Variants in CELF2 observed in about 807,000 individuals in gnomAD.
The protein encoded by CELF2 is CUGBP Elav-like family member 2.
CELF2 carries 8 observed loss-of-function variants against 62.6 expected under a neutral mutation model. That is an observed-to-expected ratio of 0.13 (90% confidence interval 0.07 to 0.23). The LOEUF is 0.23. CELF2 is among the 10% of genes least tolerant of loss of function. The pLI is 1.00. For synonymous variants in CELF2, 258 were observed against 250.0 expected, an observed-to-expected ratio of 1.03 and a Z score of -0.30; for missense variants, 333 against 671.0, an observed-to-expected ratio of 0.50 and a Z score of 5.56.
At chr10:10,798,937 G>GGATGC (rs2054352455) in intron 1 of CELF2, 1 of 397,602 alleles carries the variant, frequency 2.5e-6, no homozygotes, top group Admixed American at 4.4e-5. Flanking sequence ...TGGGGTTCAG[G>GGATGC]GATGCGCAGA....
In CELF2 at chr10:11,177,492, A is replaced by G. The variant is rs985264779; in HGVS notation, c.271+11810A>G. Reference sequence around the variant, plus strand: ...AACCAAAATGTTGGCATGAATTAAGAAAAATCAGTGAAGAAATGTTGCTTA... The same window carrying G: ...AACCAAAATGTTGGCATGAATTAAGGAAAATCAGTGAAGAAATGTTGCTTA... On this transcript the variant is annotated intron_variant, in intron 2 of 12. Coordinates refer to ENST00000633077, the MANE Select transcript of CELF2 (RefSeq NM_001326342.2). This position sits in a 1 kb window ranked among gnomAD's most constrained non-coding sequence, Gnocchi z 4.8. 3.9e-5 allele frequency among the ~76,000 whole-genome samples: 6 copies of G among 152,104 alleles called. No individual in the cohort carries two copies. Among genetic ancestry groups the G allele is most frequent in the African/African-American group, 1.4e-4 (6 of 41,410 alleles).
intron 1 of CELF2, among the ~76,000 whole-genome samples, chr10:11,091,057 G>A (rs180710223): frequency 1.2e-4 from 18 of 152,200 alleles, no homozygotes; most frequent in African/African-American, 4.3e-4. Flanking sequence ...TCAATTATGA[G>A]TTACCTTCTG....
intron 9 of CELF2, among the ~76,000 whole-genome samples, chr10:11,307,554 C>G (rs1438557807): frequency 6.6e-6 from 1 of 152,206 alleles, no homozygotes; most frequent in African/African-American, 2.4e-5. Context: ...GTGCCAAATA[C>G]AGTGCCAAAT....
Position 10,936,911 on chromosome 10 carries a change from A to G in CELF2, c.89+16912A>G, listed in dbSNP as rs1022176420. On this transcript the variant is annotated intron_variant, in intron 2 of 13. Transcript: ENST00000636488. The surrounding 1 kb of genome is among the most constrained non-coding windows in gnomAD (Gnocchi z 4.0). ...ACAAGCTCCCACGGGGTTTCTGATG[A>G]TTCTGGTCCTCAGACCATCCTTTGA... 5.9e-5 allele frequency among the ~76,000 whole-genome samples: 9 copies of G among 152,072 alleles called. No homozygotes were observed. In the South Asian group the frequency reaches 1.9e-3, roughly 32 times the overall value.
At chr10:11,201,367 G>C (rs942181080) in intron 2 of CELF2, among the ~76,000 whole-genome samples, 1 of 152,188 alleles carries the variant, frequency 6.6e-6, no homozygotes, top group African/African-American at 2.4e-5. Context: ...GTGATGCAGG[G>C]ATCCAGGCTT....
intron 1 of CELF2, among the ~76,000 whole-genome samples, chr10:11,048,920 T>C (rs2063352831): frequency 6.6e-6 from 1 of 152,218 alleles, no homozygotes; most frequent in Non-Finnish European, 1.5e-5. Context: ...ATTGGAATTG[T>C]CAGGGAAACA....
At chr10:10,544,202 A>T in the CELF2 span, among the ~76,000 whole-genome samples, 1 of 152,238 alleles carries the variant, frequency 6.6e-6, no homozygotes, top group South Asian at 2.1e-4. Context: ...CCAGGTGGGC[A>T]CAAACAGAGA....
intron 2 of CELF2, among the ~76,000 whole-genome samples, chr10:10,943,396 G>A (rs936514553): frequency 1.3e-5 from 2 of 152,186 alleles, no homozygotes; most frequent in African/African-American, 4.8e-5. Context: ...GTGGACCCAA[G>A]AGCTACAGAC....
the CELF2 span, among the ~76,000 whole-genome samples, chr10:10,610,977 C>T: frequency 1.3e-5 from 2 of 152,152 alleles, no homozygotes; most frequent in African/African-American, 2.4e-5. Context: ...ACACTACTTT[C>T]TGTCTTTTAG....
the CELF2 span, among the ~76,000 whole-genome samples, chr10:10,776,043 T>A: frequency 6.6e-6 from 1 of 152,252 alleles, no homozygotes; most frequent in African/African-American, 2.4e-5. Flanking sequence ...AACAGAGGCA[T>A]CATTAATAGA....
chr10:10,713,757 G>C, the CELF2 span, among the ~76,000 whole-genome samples: 1 of 152,162 alleles, frequency 6.6e-6, no homozygotes, highest in Non-Finnish European at 1.5e-5. Context: ...GGGATAGGCC[G>C]GGCACGGTGG....
chr10:11,319,883 G>A lies in CELF2; in HGVS notation c.1097-1306G>A, dbSNP rs915281240. 9 of 470,892 alleles carry A rather than the reference G, an allele frequency of 1.9e-5. No homozygotes were observed. The highest frequency in any genetic ancestry group is 3.5e-5 in the Non-Finnish European group (8 of 227,042). 29.2% of individuals were successfully genotyped at this position (470,892 alleles called of 1,614,324 possible). On this transcript the variant is annotated intron_variant, in intron 10 of 12. Transcript: ENST00000633077. The surrounding 1 kb of genome is among the most constrained non-coding windows in gnomAD (Gnocchi z 4.4). The stretch of plus-strand genomic sequence containing the variant: ...ATTCCCCACCTGCTCTGTTAGGGCA[G>A]TAGCGTTGCTGGGCGTGTGGAGGTC...
chr10:10,877,735 G>A (rs768589165), intron 1 of CELF2, among the ~76,000 whole-genome samples: 22 of 152,188 alleles, frequency 1.4e-4, no homozygotes, highest in Non-Finnish European at 2.6e-4. Context: ...TGAGATGGAC[G>A]AGTTGGGTAG....
At chr10:10,721,611 A>AT in the CELF2 span, among the ~76,000 whole-genome samples, 1 of 152,212 alleles carries the variant, frequency 6.6e-6, no homozygotes, top group Non-Finnish European at 1.5e-5. Context: ...CTTGAATTAA[A>AT]TTTTAATTTT....
intron 1 of CELF2, among the ~76,000 whole-genome samples, chr10:10,883,700 A>T (rs887388074): frequency 6.6e-6 from 1 of 151,858 alleles, no homozygotes; most frequent in African/African-American, 2.4e-5. Flanking sequence ...GTAGTGAGAA[A>T]CTCATCTCAA....
At position 11,328,185 on chromosome 10, in the gene CELF2, A is replaced by G. The variant is rs2095853425; in HGVS notation, c.1439-741A>G. On this transcript the variant is annotated intron_variant, in intron 12 of 12. Transcript: ENST00000633077. The surrounding 1 kb of genome is among the most constrained non-coding windows in gnomAD (Gnocchi z 6.4). ...CTAAGCCGTTGACTATGTATCCCCCAGACTTTGGGAGATGCCAGGGAGCAA... is the reference window on the plus strand; with the variant it reads ...CTAAGCCGTTGACTATGTATCCCCCGGACTTTGGGAGATGCCAGGGAGCAA... 1.3e-5 allele frequency among the ~76,000 whole-genome samples: 2 copies of G among 152,200 alleles called. No homozygotes were observed. The highest frequency in any genetic ancestry group is 4.8e-5 in the African/African-American group (2 of 41,452).
Position 11,319,292 on chromosome 10 carries a change from C to CA in CELF2, c.1097-1891dup. 2.8e-6 allele frequency: 1 copy of CA among 357,442 alleles called. No homozygotes were observed. The allele number at this position is 357,442 out of a possible 1,614,324, so 22.1% of individuals were successfully genotyped here. A position where few individuals can be genotyped will look rare whatever the true frequency, so the allele number is the denominator to read the frequency against. The stretch of plus-strand genomic sequence containing the variant: ...TTGTACATACCCCTCTCACCTATCT[C>CA]AAAAAACACGGAAGTTCCTTTGCAT... On this transcript the variant is annotated intron_variant, in intron 10 of 12. Coordinates refer to ENST00000633077, the MANE Select transcript of CELF2 (RefSeq NM_001326342.2). This position sits in a 1 kb window ranked among gnomAD's most constrained non-coding sequence, Gnocchi z 4.4.
chr10:11,307,071 C>T (rs1394301189), intron 9 of CELF2, among the ~76,000 whole-genome samples: 3 of 152,196 alleles, frequency 2.0e-5, no homozygotes, highest in Non-Finnish European at 2.9e-5. Context: ...CACATGAGAG[C>T]AGTGTGTGGC....
chr10:10,599,202 G>T, the CELF2 span, among the ~76,000 whole-genome samples: 1 of 152,150 alleles, frequency 6.6e-6, no homozygotes, highest in Non-Finnish European at 1.5e-5. Context: ...AGAAGTCATT[G>T]AGAGCAATGA....
Sources: allele counts gnomAD v4.1 joint callset (sites outside exome capture counted in the v4.1 genomes callset), GRCh38; gene constraint gnomAD v4.1.1; non-coding constraint Gnocchi (gnomAD v3.1); transcripts MANE v1.5; gene names NCBI Gene and HGNC (gene_info 2026-07-23, HGNC 2026-07-21).